Variants in NTN1 observed in about 807,000 individuals in gnomAD.
NTN1 encodes the protein netrin 1, also known as netrin-1.
In NTN1, 11 loss-of-function variants were observed where a neutral mutation model predicts 54.2. That is an observed-to-expected ratio of 0.20 (90% CI 0.13 to 0.34). The LOEUF is 0.34. NTN1 is among the 10% of genes least tolerant of loss of function. NTN1 has a pLI of 1.00. For missense variants in NTN1, 740 were observed against 893.1 expected (o/e 0.83, Z 2.18); for synonymous variants, 371 against 382.0 (o/e 0.97, Z 0.33).
Position 9,138,091 on chromosome 17 carries a change from G to C in NTN1, c.1019-24722G>C, listed in dbSNP as rs114389848. 4.2e-3 allele frequency among the ~76,000 whole-genome samples: 636 copies of C among 152,316 alleles called. 6 individuals carry two copies. The highest frequency in any genetic ancestry group is 0.014 in the African/African-American group (584 of 41,562). ...GGCCTCTGAAGCCACAGGGCCTGCT[G>C]GTTTGCAAGAATCCCCGGCGTGTCT... is the stretch of plus-strand genomic sequence containing the variant. On this transcript the variant is annotated intron_variant, in intron 2 of 6. Coordinates refer to ENST00000173229, the MANE Select transcript of NTN1 (RefSeq NM_004822.3).
intron 5 of NTN1, among the ~76,000 whole-genome samples, chr17:9,204,928 ATT>A (rs148063994): frequency 6.9e-6 from 1 of 145,526 alleles, no homozygotes; most frequent in South Asian, 2.2e-4. Flanking sequence ...GTCAACCCTC[ATT>A]TTTTTTTTTT....
chr17:9,187,550 G>C (rs1052189193), intron 5 of NTN1, among the ~76,000 whole-genome samples: 1 of 147,210 alleles, frequency 6.8e-6, no homozygotes, highest in South Asian at 2.2e-4. Flanking sequence ...GGTGGCTCAC[G>C]CCCATAATCC....
At chr17:9,187,654 CAAAAA>C (rs763852001) in intron 5 of NTN1, among the ~76,000 whole-genome samples, 4 of 52,922 alleles carry the variant, frequency 7.6e-5, no homozygotes, top group East Asian at 7.5e-4. Flanking sequence ...CTCATCTCTC[CAAAAA>C]AAAAAAAAAA....
intron 5 of NTN1, among the ~76,000 whole-genome samples, chr17:9,197,601 A>G (rs1904671299): frequency 6.6e-6 from 1 of 150,474 alleles, no homozygotes; most frequent in African/African-American, 2.4e-5. Flanking sequence ...TGGAGGTTGC[A>G]GTGAGCTGAG....
intron 2 of NTN1, among the ~76,000 whole-genome samples, chr17:9,033,704 G>A (rs1359603324): frequency 6.6e-6 from 1 of 152,172 alleles, no homozygotes; most frequent in Non-Finnish European, 1.5e-5. Context: ...GATCACCTGA[G>A]GTTGGGAGTT....
At chr17:9,014,591 C>A in the NTN1 span, among the ~76,000 whole-genome samples, 2 of 152,200 alleles carry the variant, frequency 1.3e-5, no homozygotes, top group African/African-American at 4.8e-5. Context: ...CTGTCCAAGT[C>A]AAGTTCTTTC....
At chr17:9,224,829 T>G (rs4357981) in intron 6 of NTN1, among the ~76,000 whole-genome samples, 2 of 151,758 alleles carry the variant, frequency 1.3e-5, no homozygotes, top group African/African-American at 4.8e-5. Context: ...GGATCCCCCC[T>G]GGGAGCTGAT....
chr17:9,196,521 G>C (rs1275509692), intron 5 of NTN1, among the ~76,000 whole-genome samples: 1 of 152,248 alleles, frequency 6.6e-6, no homozygotes, highest in Non-Finnish European at 1.5e-5. Flanking sequence ...TCCTAAAGCT[G>C]TTTGTGCGGC....
upstream of NTN1, among the ~76,000 whole-genome samples, chr17:9,020,150 G>A (rs562478478): frequency 6.6e-6 from 1 of 152,226 alleles, no homozygotes; most frequent in South Asian, 2.1e-4. Context: ...TAGATTCTCA[G>A]GGTTTATGAA....
At chr17:9,114,518 C>T (rs901601397) in intron 2 of NTN1, among the ~76,000 whole-genome samples, 8 of 151,272 alleles carry the variant, frequency 5.3e-5, no homozygotes, top group Non-Finnish European at 7.4e-5. Context: ...TTTGGGAGGC[C>T]GAGGCAGGCA....
the NTN1 span, among the ~76,000 whole-genome samples, chr17:9,008,786 C>T: frequency 6.6e-6 from 1 of 152,272 alleles, no homozygotes; most frequent in South Asian, 2.1e-4. Context: ...GAAGTTGATA[C>T]TTACAGAGGT....
intron 2 of NTN1, 47 bp from the exon 3 acceptor site, chr17:9,162,766 C>G: frequency 6.4e-7 from 1 of 1,551,014 alleles, no homozygotes; most frequent in Non-Finnish European, 8.8e-7. Flanking sequence ...GGTGCCTGTC[C>G]TCCCCGCGCC....
At chr17:9,152,621 C>T (rs1377385770) in intron 2 of NTN1, among the ~76,000 whole-genome samples, 5 of 152,202 alleles carry the variant, frequency 3.3e-5, no homozygotes, top group Admixed American at 6.5e-5. Context: ...TTCTTCACAG[C>T]GTCATTACCT....
At position 9,240,047 on chromosome 17, in the gene NTN1, C is replaced by A; in HGVS notation, c.*79C>A. ...AGCGGGCGCCTTGGCCCGGCCGCCG[C>A]GGACTTGGCCCGCGAGGGCTTTCCC... On this transcript the variant is annotated 3_prime_UTR_variant, in exon 7 of 7. Coordinates refer to ENST00000173229, the MANE Select transcript of NTN1 (RefSeq NM_004822.3). 1.4e-6 allele frequency: 1 copy of A among 701,418 alleles called. No homozygotes were observed. The highest frequency in any genetic ancestry group is 1.7e-6 in the Non-Finnish European group (1 of 577,882). The allele number at this position is 701,418 out of a possible 1,614,324, so 43.4% of individuals were successfully genotyped here.
At chr17:9,186,353 G>C (rs1261343299) in intron 5 of NTN1, among the ~76,000 whole-genome samples, 1 of 152,250 alleles carries the variant, frequency 6.6e-6, no homozygotes, top group Non-Finnish European at 1.5e-5. Context: ...GGCAAGAAAG[G>C]CTGCCTTTGA....
At chr17:9,121,186 G>A (rs1029589498) in intron 2 of NTN1, among the ~76,000 whole-genome samples, 1 of 152,054 alleles carries the variant, frequency 6.6e-6, no homozygotes, top group Admixed American at 6.5e-5. Flanking sequence ...CCCTCACTGG[G>A]GATGAAACTC....
chr17:9,096,161 T>C lies in NTN1; in HGVS notation c.1019-66652T>C, dbSNP rs141743650. Reference sequence around the variant, plus strand: ...ATATGTCCATCAGGTATCCACATGGTTTCCTCATCTATGTCCCTGAATGTT... The same window carrying C: ...ATATGTCCATCAGGTATCCACATGGCTTCCTCATCTATGTCCCTGAATGTT... On this transcript the variant is annotated intron_variant, in intron 2 of 6. Coordinates refer to ENST00000173229, the MANE Select transcript of NTN1 (RefSeq NM_004822.3). Among the ~76,000 whole-genome samples, 113 of 152,236 alleles carry C rather than the reference T, an allele frequency of 7.4e-4. No homozygotes were observed. In the East Asian group the frequency reaches 0.019, roughly 25 times the overall value.
intron 5 of NTN1, among the ~76,000 whole-genome samples, chr17:9,189,869 AG>A (rs1385492360): frequency 1.3e-5 from 2 of 152,206 alleles, no homozygotes; most frequent in Non-Finnish European, 2.9e-5. Context: ...TGGCATGACC[AG>A]GGCCACAGGT....
intron 2 of NTN1, among the ~76,000 whole-genome samples, chr17:9,132,433 C>G (rs999515303): frequency 2.0e-5 from 3 of 152,210 alleles, no homozygotes; most frequent in Non-Finnish European, 2.9e-5. Context: ...TAGCAGGGAC[C>G]TACTCCCTTT....
Sources: allele counts gnomAD v4.1 joint callset (sites outside exome capture counted in the v4.1 genomes callset), GRCh38; gene constraint gnomAD v4.1.1; transcripts MANE v1.5; gene names NCBI Gene and HGNC (gene_info 2026-07-23, HGNC 2026-07-21).